The following RYR2 variants were observed in gnomAD, a reference collection of about 807,000 sequenced individuals.
The protein encoded by RYR2 is cardiac muscle ryanodine receptor-calcium release channel.
A neutral mutation model predicts 601.1 loss-of-function variants in RYR2; 227 were observed. The observed-to-expected ratio is 0.38, with a 90% CI of 0.34 to 0.42. The LOEUF is 0.42. RYR2 is among the 10% of genes least tolerant of loss of function. The pLI is 1.00. For synonymous variants in RYR2, 2,223 were observed against 2,175.1 expected, an observed-to-expected ratio of 1.02 and a Z score of -0.61; for missense variants, 4,646 against 6,156.5, an observed-to-expected ratio of 0.75 and a Z score of 8.21.
chr1:237,665,517 T>C lies in RYR2; in HGVS notation c.8437-995T>C, dbSNP rs376264109. Among the ~76,000 whole-genome samples, 4 of 152,146 alleles carry C rather than the reference T, an allele frequency of 2.6e-5. No individual in the cohort carries two copies. In the East Asian group the frequency reaches 7.7e-4, roughly 29 times the overall value. ...GACAGGTTCAGTGAGAGTTTGGGGC[T>C]GCCCTGCGGCTGGATAATGTTTATA... On this transcript the variant is annotated intron_variant, in intron 56 of 104. Coordinates refer to ENST00000366574, the MANE Select transcript of RYR2 (RefSeq NM_001035.3).
intron 56 of RYR2, among the ~76,000 whole-genome samples, chr1:237,663,263 C>G (rs1683974806): frequency 6.6e-6 from 1 of 152,128 alleles, no homozygotes; most frequent in Non-Finnish European, 1.5e-5. Flanking sequence ...TGTTAAACCT[C>G]TTCGTCTTTT....
chr1:237,378,000 C>A (rs1701174983), intron 8 of RYR2, among the ~76,000 whole-genome samples: 1 of 152,148 alleles, frequency 6.6e-6, no homozygotes, highest in South Asian at 2.1e-4. Context: ...AGTCTGTTTT[C>A]ATGCTGATGA....
At chr1:237,501,171 T>TG (rs1664595213) in intron 21 of RYR2, among the ~76,000 whole-genome samples, 2 of 141,342 alleles carry the variant, frequency 1.4e-5, no homozygotes, top group East Asian at 2.0e-4. Flanking sequence ...TATTTCAAGG[T>TG]GTTTTTTTTT....
chr1:237,305,667 G>A (rs1215925248), intron 2 of RYR2, among the ~76,000 whole-genome samples: 2 of 152,168 alleles, frequency 1.3e-5, no homozygotes, highest in African/African-American at 2.4e-5. Context: ...CCTGGGCTCA[G>A]GTGATCCACC....
chr1:237,783,568 G>T (rs766394453), intron 89 of RYR2, 107 bp from the exon 90 acceptor site: 26 of 665,780 alleles, frequency 3.9e-5, no homozygotes, highest in Non-Finnish European at 5.4e-5. Flanking sequence ...AGATAAACAG[G>T]GACATATCCT....
chr1:237,597,339 T>C (rs1341911793), intron 34 of RYR2, among the ~76,000 whole-genome samples: 1 of 150,102 alleles, frequency 6.7e-6, no homozygotes, highest in Non-Finnish European at 1.5e-5. Flanking sequence ...TGCCAGGTAA[T>C]GGTGGGATCT....
At chr1:237,208,966 A>ATATATATATATG (rs1558428074) in intron 1 of RYR2, among the ~76,000 whole-genome samples, 1 of 105,910 alleles carries the variant, frequency 9.4e-6, no homozygotes, top group African/African-American at 3.2e-5. Context: ...ATATATATAT[A>ATATATATATATG]TATATATATA....
chr1:237,172,153 G>T (rs1677477903), intron 1 of RYR2, among the ~76,000 whole-genome samples: 1 of 152,204 alleles, frequency 6.6e-6, no homozygotes. Context: ...TTCTGTTAGG[G>T]AAATCTTATT....
chr1:237,663,736 C>T (rs560773851), intron 56 of RYR2, among the ~76,000 whole-genome samples: 12 of 152,262 alleles, frequency 7.9e-5, no homozygotes, highest in South Asian at 2.1e-4. Context: ...TAATTTTTGT[C>T]GTTATCATCG....
chr1:237,460,967 T>C lies in RYR2; in HGVS notation c.1612+4232T>C, dbSNP rs140776173. On this transcript the variant is annotated intron_variant, in intron 16 of 104. Transcript: ENST00000366574. ...CATAGTAAAACTTTTGTCTCCAACC[T>C]CTTGCTTCATTCTTATTATTGTTGT... Among the ~76,000 whole-genome samples the C allele has an allele frequency of 3.9e-5, 6 of 152,332 alleles. No homozygotes were observed. The East Asian group carries it at 1.2e-3, about 29-fold the overall frequency.
intron 1 of RYR2, among the ~76,000 whole-genome samples, chr1:237,132,772 A>T (rs1672298447): frequency 6.6e-6 from 1 of 152,246 alleles, no homozygotes; most frequent in African/African-American, 2.4e-5. Context: ...CAAGAAGCTT[A>T]GAGAACCTCA....
chr1:237,733,417 T>C (rs1017687196), intron 78 of RYR2, among the ~76,000 whole-genome samples: 4 of 152,164 alleles, frequency 2.6e-5, no homozygotes, highest in South Asian at 2.1e-4. Context: ...CTGAAGAAAA[T>C]TAAAATTATT....
intron 2 of RYR2, among the ~76,000 whole-genome samples, chr1:237,301,499 T>A (rs1374219235): frequency 2.6e-5 from 4 of 152,178 alleles, no homozygotes; most frequent in South Asian, 2.1e-4. Context: ...CTGTAGTTGA[T>A]AAGAGTTCAA....
intron 1 of RYR2, among the ~76,000 whole-genome samples, chr1:237,178,026 C>G (rs1678250635): frequency 6.6e-6 from 1 of 152,288 alleles, no homozygotes; most frequent in African/African-American, 2.4e-5. Flanking sequence ...GGTTGTTCCA[C>G]ATCTTTGCCA....
Position 237,832,686 on chromosome 1 carries a change from C to CCT in RYR2, c.*47_*48dup. On this transcript the variant is annotated 3_prime_UTR_variant, in exon 105 of 105. Transcript: ENST00000366574. ...CACCTCTAAAAACCAAAACCCTACC[C>CCT]CTCTCTCTCCCTCTCTCAATTTCTC... The CCT allele has an allele frequency of 9.3e-7, 1 of 1,073,828 alleles. No individual in the cohort carries two copies. Among genetic ancestry groups the CCT allele is most frequent in the Non-Finnish European group, 1.4e-6 (1 of 706,590 alleles). 66.5% of individuals were successfully genotyped at this position (1,073,828 alleles called of 1,614,324 possible).
intron 97 of RYR2, among the ~76,000 whole-genome samples, chr1:237,798,529 T>G (rs1168607430): frequency 6.6e-6 from 1 of 152,152 alleles, no homozygotes; most frequent in East Asian, 1.9e-4. Flanking sequence ...GAAAAAACGT[T>G]AATTTTCTTA....
intron 18 of RYR2, among the ~76,000 whole-genome samples, chr1:237,492,719 G>A (rs1229570539): frequency 6.6e-6 from 1 of 151,908 alleles, no homozygotes. Flanking sequence ...TGCACCTACA[G>A]AGGCTGAGGT....
chr1:237,177,753 T>G (rs897068312), intron 1 of RYR2, among the ~76,000 whole-genome samples: 7 of 152,188 alleles, frequency 4.6e-5, no homozygotes, highest in Admixed American at 1.3e-4. Context: ...CAATCTTGTA[T>G]GTATCCTTCT....
chr1:237,210,010 A>G (rs1682389349), intron 1 of RYR2, among the ~76,000 whole-genome samples: 1 of 152,210 alleles, frequency 6.6e-6, no homozygotes, highest in African/African-American at 2.4e-5. Flanking sequence ...AACAATACAG[A>G]CAGAAGAAAA....
Sources: gnomAD v4.1 joint callset for allele counts (sites outside exome capture counted in the v4.1 genomes callset) on GRCh38, gnomAD v4.1.1 for gene constraint, MANE v1.5 for transcripts, NCBI Gene and HGNC (gene_info 2026-07-23, HGNC 2026-07-21) for gene names.